The following CELF6 variants were observed in gnomAD, a reference collection of about 807,000 sequenced individuals.
CELF6 encodes Bruno -like 6, RNA binding protein.
A neutral mutation model predicts 53.1 loss-of-function variants in CELF6; 32 were observed. The ratio of observed to expected loss-of-function variants is 0.60; its 90% CI spans 0.46 to 0.81. The LOEUF (loss-of-function observed/expected upper bound fraction) is 0.81. Among genes scored for constraint, CELF6 ranks in the 30% least tolerant of loss-of-function variants. The pLI, the probability that CELF6 is intolerant of heterozygous loss-of-function variation, is 0.00. For missense variants in CELF6, 539 were observed against 669.5 expected (o/e 0.81, Z 2.15); for synonymous variants, 291 against 288.8 (o/e 1.01, Z -0.08).
chr15:72,307,499 G>A (rs1053186723), intron 2 of CELF6, among the ~76,000 whole-genome samples: 13 of 152,212 alleles, frequency 8.5e-5, no homozygotes, highest in African/African-American at 3.1e-4. Context: ...CCCTTCCTGG[G>A]ACACTTTACA....
intron 2 of CELF6, among the ~76,000 whole-genome samples, chr15:72,313,440 T>C (rs1358391225): frequency 6.6e-6 from 1 of 152,220 alleles, no homozygotes; most frequent in Non-Finnish European, 1.5e-5. Flanking sequence ...CTACTAAAAT[T>C]ACAAAAATTA....
chr15:72,287,420 T>TGGGGACTCTGCCTAGC (rs1433925785), intron 11 of CELF6, 28 bp from the exon 12 acceptor site: 5 of 1,612,884 alleles, frequency 3.1e-6, no homozygotes, highest in Non-Finnish European at 1.7e-6. Flanking sequence ...AGAGATTAGC[T>TGGGGACTCTGCCTAGC]GGGGACTCTG....
intron 3 of CELF6, among the ~76,000 whole-genome samples, chr15:72,292,777 C>T (rs901691918): frequency 3.3e-5 from 5 of 152,208 alleles, no homozygotes; most frequent in African/African-American, 1.2e-4. Flanking sequence ...CCTATAATCC[C>T]AGTGCTTTGG....
intron 3 of CELF6, among the ~76,000 whole-genome samples, chr15:72,299,732 A>G (rs887526113): frequency 2.6e-5 from 4 of 152,192 alleles, no homozygotes; most frequent in African/African-American, 9.6e-5. Context: ...AGAAAGTTAG[A>G]TGCATTTTCC....
At position 72,289,295 on chromosome 15, in the gene CELF6, C is replaced by T. The variant is rs773807819; in HGVS notation, c.881-8G>A. 3.5e-5 allele frequency: 55 copies of T among 1,561,860 alleles called. No homozygotes were observed. Among genetic ancestry groups the T allele is most frequent in the Non-Finnish European group, 4.7e-5 (55 of 1,160,344 alleles). On this transcript the variant is annotated splice_polypyrimidine_tract_variant and splice_region_variant and intron_variant, in intron 7 of 12. Transcript: ENST00000287202. The surrounding 1 kb of genome is among the most constrained non-coding windows in gnomAD (Gnocchi z 7.6). ...CAGGCGGGGAGTTGGCTGCTGATGGCGGAAAAGGTCTGAGAGTCAGGCCGC... is the reference window on the plus strand; with the variant it reads ...CAGGCGGGGAGTTGGCTGCTGATGGTGGAAAAGGTCTGAGAGTCAGGCCGC...
Position 72,289,546 on chromosome 15 carries a change from G to A in CELF6, c.748-39C>T. The A allele has an allele frequency of 6.7e-7, 1 of 1,490,470 alleles. No homozygotes were observed. Among genetic ancestry groups the A allele is most frequent in the East Asian group, 2.5e-5 (1 of 39,492 alleles). The allele number at this position is 1,490,470 out of a possible 1,614,324, so 92.3% of individuals were successfully genotyped here. A position where few individuals can be genotyped will look rare whatever the true frequency, so the allele number is the denominator to read the frequency against. The stretch of plus-strand genomic sequence containing the variant: ...GATGGGCGAGAGTGGAGGGCCAAGG[G>A]GCAGGCAGCTGCCCGTGCTCTCAGC... On this transcript the variant is annotated intron_variant, in intron 6 of 12. Transcript: ENST00000287202. This position sits in a 1 kb window ranked among gnomAD's most constrained non-coding sequence, Gnocchi z 7.6.
At chr15:72,286,958 A>G (rs1194912049) in intron 12 of CELF6, among the ~76,000 whole-genome samples, 3 of 151,992 alleles carry the variant, frequency 2.0e-5, no homozygotes, top group Non-Finnish European at 4.4e-5. Context: ...CAGGTTCTCT[A>G]CTCTCATTGG....
At position 72,289,716 on chromosome 15, in the gene CELF6, G is replaced by T. The variant is rs1243267837; in HGVS notation, c.658C>A (p.Leu220Met). The T allele has an allele frequency of 1.1e-5, 16 of 1,482,892 alleles. No individual in the cohort carries two copies. Among genetic ancestry groups the T allele is most frequent in the Non-Finnish European group, 1.4e-5 (16 of 1,125,970 alleles). The allele number at this position is 1,482,892 out of a possible 1,614,324, so 91.9% of individuals were successfully genotyped here. A position where few individuals can be genotyped will look rare whatever the true frequency, so the allele number is the denominator to read the frequency against. The change falls in exon 6 of 13, where the codon CTG (leucine) becomes ATG (methionine). Residue 220 changes from leucine (L) to methionine (M), a missense_variant. Leu to Met is a conservative substitution (Grantham distance 15, BLOSUM62 2). Around this residue, in one of 3 missense-constraint regions of CELF6, gnomAD observed 358 missense variants for 412.8 expected, o/e 0.87. Coordinates refer to ENST00000287202, the MANE Select transcript of CELF6 (RefSeq NM_052840.5). This position sits in a 1 kb window ranked among gnomAD's most constrained non-coding sequence, Gnocchi z 7.6. ...CCGGCCATCTGCTGCATCCGCCGCA[G>T]CGCGCGCTCCCGGTCGGTGTCCGCC... is the stretch of plus-strand genomic sequence containing the variant. Reference protein sequence around the residue: ...KLADTDRERALRRMQQMAGHL... With the variant: ...KLADTDRERAMRRMQQMAGHL...
chr15:72,316,092 G>A (rs2088360411), intron 1 of CELF6, among the ~76,000 whole-genome samples, 165 bp from the exon 2 acceptor site: 2 of 152,166 alleles, frequency 1.3e-5, no homozygotes, highest in African/African-American at 2.4e-5. Context: ...GGGGCTTCAT[G>A]TGCCTGGGGA....
chr15:72,302,029 C>T (rs530758000), intron 3 of CELF6, among the ~76,000 whole-genome samples: 2 of 152,242 alleles, frequency 1.3e-5, no homozygotes, highest in Non-Finnish European at 2.9e-5. Flanking sequence ...GCCACTGCTC[C>T]CAGCCAAAAA....
chr15:72,290,091 G>A (rs913139946), intron 4 of CELF6, 36 bp downstream of exon 4: 1 of 1,613,126 alleles, frequency 6.2e-7, no homozygotes, highest in African/African-American at 1.3e-5. Context: ...GAGTGAGGAA[G>A]GGTCACCAGG....
At chr15:72,286,813 C>T (rs2087928530) in intron 12 of CELF6, among the ~76,000 whole-genome samples, 2 of 152,232 alleles carry the variant, frequency 1.3e-5, no homozygotes, top group South Asian at 4.1e-4. Context: ...CTAGTCCTTT[C>T]TCTGCTTAAG....
intron 1 of CELF6, among the ~76,000 whole-genome samples, chr15:72,318,075 T>A (rs1217306539): frequency 6.6e-6 from 1 of 152,190 alleles, no homozygotes; most frequent in Non-Finnish European, 1.5e-5. Context: ...AAGATTAGCT[T>A]TGTATGTACA....
At chr15:72,295,728 A>G (rs898326738) in intron 3 of CELF6, among the ~76,000 whole-genome samples, 292 of 146,646 alleles carry the variant, frequency 2.0e-3, no homozygotes, top group African/African-American at 6.9e-3. Flanking sequence ...TCTGTCTCAA[A>G]AAAAAAAAAA....
chr15:72,292,362 C>A (rs2088016644), intron 3 of CELF6: 1 of 781,166 alleles, frequency 1.3e-6, no homozygotes, highest in Non-Finnish European at 2.0e-6. Context: ...GAGAATCAAA[C>A]CCCGAAAGAC....
chr15:72,286,610 G>C (rs981909778), intron 12 of CELF6, among the ~76,000 whole-genome samples: 3 of 152,198 alleles, frequency 2.0e-5, no homozygotes, highest in Non-Finnish European at 4.4e-5. Context: ...GGGCCATGTG[G>C]GCCTTCTGAG....
chr15:72,304,292 T>G (rs1226075734), intron 3 of CELF6, among the ~76,000 whole-genome samples: 1 of 152,170 alleles, frequency 6.6e-6, no homozygotes, highest in Non-Finnish European at 1.5e-5. Context: ...CGTACCAGCC[T>G]TATCTTTTAC....
At chr15:72,296,562 G>C (rs1019062789) in intron 3 of CELF6, among the ~76,000 whole-genome samples, 8 of 152,048 alleles carry the variant, frequency 5.3e-5, no homozygotes, top group African/African-American at 1.9e-4. Context: ...TAAAGAACTC[G>C]TACAACTAAA....
intron 1 of CELF6, 92 bp from the exon 2 acceptor site, chr15:72,316,019 C>T (rs777968263): frequency 4.8e-5 from 40 of 830,192 alleles, no homozygotes; most frequent in Admixed American, 1.4e-4. Context: ...CTTAAGGCCA[C>T]TCTCCTTTAA....
Sources: allele counts gnomAD v4.1 joint callset (sites outside exome capture counted in the v4.1 genomes callset), GRCh38; gene constraint gnomAD v4.1.1; regional missense constraint gnomAD v4.1.1; non-coding constraint Gnocchi (gnomAD v3.1); transcripts MANE v1.5; gene names NCBI Gene and HGNC (gene_info 2026-07-23, HGNC 2026-07-21).